The following STYXL1 variants were observed in gnomAD, a reference collection of about 807,000 sequenced individuals.
STYXL1 encodes the protein serine/threonine/tyrosine-interacting-like protein 1.
Under a neutral mutation model 36.4 loss-of-function variants are expected in STYXL1, and 32 were observed. That is an observed-to-expected ratio of 0.88 (90% confidence interval 0.66 to 1.18). The LOEUF is 1.18. Among genes scored for constraint, STYXL1 ranks in the 50% most tolerant of loss-of-function variants. STYXL1 has a pLI of 0.00. For synonymous variants in STYXL1, 133 were observed against 144.1 expected (o/e 0.92, Z 0.55); for missense variants, 354 against 394.1 (o/e 0.90, Z 0.86).
chr7:76,017,878 A>AAAAAAAAAAAAAAAAAAAAAAAAAAAAAC, intron 4 of STYXL1, among the ~76,000 whole-genome samples: 1 of 147,236 alleles, frequency 6.8e-6, no homozygotes, highest in Non-Finnish European at 1.5e-5. Context: ...AAAAAAAAAA[A>AAAAAAAAAAAAAAAAAAAAAAAAAAAAAC]AAAGGCAAGA....
At chr7:75,999,495 G>GTA (rs375660394) in intron 8 of STYXL1, among the ~76,000 whole-genome samples, 48,879 of 112,558 alleles carry the variant, frequency 0.43, 9,603 homozygotes, top group African/African-American at 0.54. Context: ...TTTTTGTTGT[G>GTA]TGTGTGTGTG....
chr7:76,008,199 C>CAA (rs60080805), intron 5 of STYXL1, among the ~76,000 whole-genome samples: 24 of 33,742 alleles, frequency 7.1e-4, no homozygotes, highest in African/African-American at 2.1e-3. Context: ...AACTCCATCT[C>CAA]AAAAAAAAAA....
intron 2 of STYXL1, among the ~76,000 whole-genome samples, chr7:76,030,201 G>C (rs1795170808): frequency 6.6e-6 from 1 of 152,072 alleles, no homozygotes; most frequent in African/African-American, 2.4e-5. Flanking sequence ...GTTTTGCCCT[G>C]TTGGCCTGGC....
chr7:76,007,113 A>G (rs2116825338), intron 5 of STYXL1, among the ~76,000 whole-genome samples: 1 of 152,318 alleles, frequency 6.6e-6, no homozygotes, highest in South Asian at 2.1e-4. Flanking sequence ...ATTATAAATA[A>G]TCTAGAGATG....
chr7:76,039,184 C>T (rs1252236459), intron 1 of STYXL1, among the ~76,000 whole-genome samples: 1 of 149,312 alleles, frequency 6.7e-6, no homozygotes, highest in Non-Finnish European at 1.5e-5. Flanking sequence ...GATCCACCCG[C>T]CTTGGCATCC....
At chr7:76,026,364 C>CA (rs1396737598) in intron 3 of STYXL1, among the ~76,000 whole-genome samples, 3 of 151,834 alleles carry the variant, frequency 2.0e-5, no homozygotes, top group Non-Finnish European at 4.4e-5. Flanking sequence ...GTGGTGCAAT[C>CA]AGCCTCCTGG....
At chr7:76,008,964 T>C (rs541199872) in intron 5 of STYXL1, among the ~76,000 whole-genome samples, 8 of 152,008 alleles carry the variant, frequency 5.3e-5, no homozygotes, top group African/African-American at 1.9e-4. Context: ...ATTGTACCAC[T>C]GTACTCCAGC....
At chr7:76,042,390 CTTTTTTTTTTTTTTTTTTTTT>C (rs528469396) in intron 1 of STYXL1, among the ~76,000 whole-genome samples, 1 of 41,816 alleles carries the variant, frequency 2.4e-5, no homozygotes, top group Non-Finnish European at 5.3e-5. Context: ...CCCTTATGTG[CTTTTTTTTTTTTTTTTTTTTT>C]TTTTTTTTTT....
At chr7:76,005,686 C>T (rs1791583276) in intron 5 of STYXL1, among the ~76,000 whole-genome samples, 1 of 152,064 alleles carries the variant, frequency 6.6e-6, no homozygotes, top group Admixed American at 6.6e-5. Flanking sequence ...GCCAGGTGCA[C>T]AAAGGTTGCA....
rs139818087 is a variant in STYXL1 at position 76,000,912 on chromosome 7, T to C, written c.788A>G (p.His263Arg). The change falls in exon 8 of 9, where the codon CAT becomes CGT. Residue 263 changes from histidine (H) to arginine (R), a missense_variant. By Grantham distance (29) the His-to-Arg change is conservative. Transcript: ENST00000359697. ...TACCTGCAAGGTCTGCTCGTTACTA[T>C]GCATGAGGTAGGCTATGATGGCGGC... ...SCAAIIAYLM[H>R]SNEQTLQRSW... 1.9e-5 allele frequency: 31 copies of C among 1,614,156 alleles called. No individual in the cohort carries two copies. In the African/African-American group the frequency reaches 2.4e-4, roughly 12 times the overall value.
At chr7:76,024,700 C>T (rs1004422076) in intron 3 of STYXL1, among the ~76,000 whole-genome samples, 11 of 152,082 alleles carry the variant, frequency 7.2e-5, no homozygotes, top group African/African-American at 2.7e-4. Flanking sequence ...CTTGTAATCC[C>T]AGCACTTTGG....
chr7:76,042,389 G>GTTTT lies in STYXL1; in HGVS notation c.-5+5272_-5+5273insAAAA, dbSNP rs1563528839. Among the ~76,000 whole-genome samples, 50 of 22,270 alleles carry GTTTT rather than the reference G, an allele frequency of 2.2e-3. 1 individual carries two copies. The highest frequency in any genetic ancestry group is 0.056 in the Middle Eastern group (1 of 18). 14.6% of individuals were successfully genotyped at this position (22,270 alleles called of 152,430 possible). A position where few individuals can be genotyped will look rare whatever the true frequency, so the allele number is the denominator to read the frequency against. On this transcript the variant is annotated intron_variant, in intron 1 of 8. Transcript: ENST00000359697. ...AACTGCTCCCTGGGTGCCCTTATGT[G>GTTTT]CTTTTTTTTTTTTTTTTTTTTTTTT...
chr7:76,042,222 T>C (rs1475699241), intron 1 of STYXL1, among the ~76,000 whole-genome samples: 3 of 151,248 alleles, frequency 2.0e-5, no homozygotes, highest in Admixed American at 2.0e-4. Context: ...AATCCCACTC[T>C]TGTTTTTCCA....
At chr7:76,021,232 C>A (rs1000639110) in intron 4 of STYXL1, among the ~76,000 whole-genome samples, 1 of 152,130 alleles carries the variant, frequency 6.6e-6, no homozygotes, top group Admixed American at 6.6e-5. Flanking sequence ...CAGGCGCCTG[C>A]CACCATGCCC....
At chr7:76,008,011 C>T (rs1792026536) in intron 5 of STYXL1, among the ~76,000 whole-genome samples, 1 of 151,200 alleles carries the variant, frequency 6.6e-6, no homozygotes, top group Non-Finnish European at 1.5e-5. Context: ...CCAGCCTGAC[C>T]AACATGGTGA....
chr7:76,021,179 G>A (rs1036639858), intron 4 of STYXL1, among the ~76,000 whole-genome samples: 1 of 151,524 alleles, frequency 6.6e-6, no homozygotes, highest in Non-Finnish European at 1.5e-5. Context: ...CTGGGTTCAC[G>A]CCATTCTCCT....
At chr7:76,035,231 C>T (rs1554580479) in intron 1 of STYXL1, among the ~76,000 whole-genome samples, 1 of 130,698 alleles carries the variant, frequency 7.7e-6, no homozygotes, top group African/African-American at 2.6e-5. Context: ...CCTGATGAGG[C>T]AGTAGTGCCC....
chr7:76,007,402 G>A (rs1791919744), intron 5 of STYXL1, among the ~76,000 whole-genome samples: 1 of 152,132 alleles, frequency 6.6e-6, no homozygotes, highest in Non-Finnish European at 1.5e-5. Context: ...CCCCAGCCTG[G>A]CAACAGAGTG....
At chr7:76,003,961 T>G in intron 6 of STYXL1, 106 bp from the exon 7 acceptor site, 1 of 960,768 alleles carries the variant, frequency 1.0e-6, no homozygotes, top group Non-Finnish European at 1.6e-6. Context: ...ACGCTGAGCT[T>G]GTGTAAGGGG....
Sources: gnomAD v4.1 joint callset for allele counts (sites outside exome capture counted in the v4.1 genomes callset) on GRCh38, gnomAD v4.1.1 for gene constraint, MANE v1.5 for transcripts, NCBI Gene and HGNC (gene_info 2026-07-23, HGNC 2026-07-21) for gene names.